SSBP2: variants seen among roughly 807,000 people sequenced by gnomAD.
The protein encoded by SSBP2 is single stranded DNA binding protein 2.
Under a neutral mutation model 61.8 loss-of-function variants are expected in SSBP2, and 17 were observed. The ratio of observed to expected loss-of-function variants is 0.28; its 90% CI spans 0.19 to 0.41. The LOEUF (loss-of-function observed/expected upper bound fraction) is 0.41, where lower values mean the gene tolerates loss of function less well. Ranked by LOEUF, SSBP2 falls within the 10% of genes least tolerant of loss-of-function variation. The probability of loss-of-function intolerance (pLI) is 1.00; values close to 1 mark genes in which losing one functional copy is unlikely to be tolerated. For synonymous variants in SSBP2, 139 were observed against 141.3 expected (o/e 0.98, Z 0.12); for missense variants, 310 against 458.7 (o/e 0.68, Z 2.96).
In SSBP2 at chr5:81,748,965, G is replaced by GAAGT. The variant is rs550424730; in HGVS notation, c.62+2012_62+2015dup. On this transcript the variant is annotated intron_variant, in intron 1 of 16. Transcript: ENST00000320672. ...TTCAACTAAAGTTCACCCCTTCCTG[G>GAAGT]AAGTTCACCTAAAATCTAAAATTAC... 4.4e-3 allele frequency among the ~76,000 whole-genome samples: 673 copies of GAAGT among 151,760 alleles called. 3 individuals carry two copies. Among genetic ancestry groups the GAAGT allele is most frequent in the Admixed American group, 0.014 (218 of 15,256 alleles).
intron 1 of SSBP2, among the ~76,000 whole-genome samples, chr5:81,719,041 T>G (rs1755370869): frequency 2.0e-5 from 3 of 152,176 alleles, no homozygotes; most frequent in Admixed American, 1.3e-4. Flanking sequence ...ACAAGTACAT[T>G]TTTGATAGAA....
chr5:81,583,772 T>C (rs1342567425), intron 4 of SSBP2, among the ~76,000 whole-genome samples: 1 of 152,194 alleles, frequency 6.6e-6, no homozygotes, highest in Non-Finnish European at 1.5e-5. Flanking sequence ...GAACAACTTC[T>C]TCGCTTTCAA....
At chr5:81,640,883 C>A (rs557694519) in intron 2 of SSBP2, among the ~76,000 whole-genome samples, 277 of 152,302 alleles carry the variant, frequency 1.8e-3, no homozygotes, top group Non-Finnish European at 2.7e-3. Flanking sequence ...AATAAATAAA[C>A]CCTCACCAAC....
At chr5:81,649,319 A>C (rs1391879504) in intron 2 of SSBP2, among the ~76,000 whole-genome samples, 1 of 152,120 alleles carries the variant, frequency 6.6e-6, no homozygotes, top group Non-Finnish European at 1.5e-5. Context: ...CATCATCCTC[A>C]TATACATAGG....
At chr5:81,613,821 G>T (rs992112251) in intron 4 of SSBP2, among the ~76,000 whole-genome samples, 1 of 152,184 alleles carries the variant, frequency 6.6e-6, no homozygotes, top group South Asian at 2.1e-4. Context: ...TTCATGGGTA[G>T]ATCTCTGCTT....
intron 4 of SSBP2, among the ~76,000 whole-genome samples, chr5:81,560,794 A>G (rs540756701): frequency 2.0e-5 from 3 of 152,354 alleles, no homozygotes; most frequent in Non-Finnish European, 4.4e-5. Flanking sequence ...AAGGTATTAA[A>G]TTGTATATAT....
At chr5:81,551,677 T>C (rs1425719216) in intron 4 of SSBP2, among the ~76,000 whole-genome samples, 1 of 152,186 alleles carries the variant, frequency 6.6e-6, no homozygotes, top group Non-Finnish European at 1.5e-5. Flanking sequence ...TTAAATCTTA[T>C]TTAAATTTTT....
In SSBP2 at chr5:81,473,761, T is replaced by C; in HGVS notation, c.509A>G (p.Asn170Ser). The C allele has an allele frequency of 2.5e-6, 4 of 1,613,942 alleles. No individual in the cohort carries two copies. The highest frequency in any genetic ancestry group is 3.4e-6 in the Non-Finnish European group (4 of 1,179,882). Residue 170 changes from asparagine to serine, a missense_variant, in exon 8 of 17, where the codon AAT (asparagine) becomes AGT (serine). Physicochemically the swap from Asn to Ser is conservative, Grantham distance 46. Transcript: ENST00000320672. ...CATTCTCTGCATTGGCCCACCCATA[T>C]TTGGATGTCCTAAAAAAAGTATGAA... is the stretch of plus-strand genomic sequence containing the variant.
At chr5:81,750,775 C>A (rs1757709788) in intron 1 of SSBP2, 2 of 600,898 alleles carry the variant, frequency 3.3e-6, no homozygotes, top group Non-Finnish European at 2.9e-6. Context: ...CCGACAGCCC[C>A]CTGCGGCCGC....
chr5:81,533,371 A>G (rs1770565545), intron 4 of SSBP2, among the ~76,000 whole-genome samples: 1 of 152,058 alleles, frequency 6.6e-6, no homozygotes, highest in Non-Finnish European at 1.5e-5. Flanking sequence ...TTGTGGGGTA[A>G]AGCTAAATAC....
intron 6 of SSBP2, 65 bp downstream of exon 6, chr5:81,489,185 A>AAT: frequency 7.6e-7 from 1 of 1,321,148 alleles, no homozygotes; most frequent in Non-Finnish European, 1.1e-6. Context: ...CAGGATGATA[A>AAT]ATATATGTGA....
rs892462197 is a variant in SSBP2 at position 81,420,131 on chromosome 5, C to A, written c.*373G>T. The A allele has an allele frequency of 2.2e-5, 4 of 184,030 alleles. No individual in the cohort carries two copies. Among genetic ancestry groups the A allele is most frequent in the Non-Finnish European group, 4.5e-5 (4 of 89,382 alleles). 11.4% of individuals were successfully genotyped at this position (184,030 alleles called of 1,614,324 possible). The stretch of plus-strand genomic sequence containing the variant: ...GTGAAAAAAAGGATGGAATAAAAGT[C>A]CCTACTTATTTCTACTTAAGATGTC... On this transcript the variant is annotated 3_prime_UTR_variant, in exon 17 of 17. Transcript: ENST00000320672.
chr5:81,490,471 G>A (rs563137469), intron 5 of SSBP2, among the ~76,000 whole-genome samples: 31 of 151,874 alleles, frequency 2.0e-4, no homozygotes, highest in Non-Finnish European at 3.7e-4. Context: ...CAAATCTAAC[G>A]GGTTGAATGT....
At chr5:81,557,541 T>C (rs1217982803) in intron 4 of SSBP2, among the ~76,000 whole-genome samples, 1 of 152,142 alleles carries the variant, frequency 6.6e-6, no homozygotes, top group African/African-American at 2.4e-5. Context: ...CTCCTAGTTT[T>C]AAGGCTTTTT....
intron 8 of SSBP2, among the ~76,000 whole-genome samples, chr5:81,471,854 C>T (rs562390150): frequency 6.6e-6 from 1 of 151,656 alleles, no homozygotes; most frequent in East Asian, 1.9e-4. Context: ...TATGGCATCT[C>T]CAAAAAGTCT....
chr5:81,667,286 TACAC>T (rs71605804), intron 1 of SSBP2, among the ~76,000 whole-genome samples: 13,335 of 133,588 alleles, frequency 0.1, 607 homozygotes, highest in African/African-American at 0.14. Context: ...GGGATACAGA[TACAC>T]ACACACACAC....
At chr5:81,685,205 G>A (rs1469560677) in intron 1 of SSBP2, among the ~76,000 whole-genome samples, 1 of 152,114 alleles carries the variant, frequency 6.6e-6, no homozygotes, top group African/African-American at 2.4e-5. Context: ...AGATCTGTGA[G>A]TCAATTAAAT....
intron 1 of SSBP2, among the ~76,000 whole-genome samples, chr5:81,662,733 G>A (rs1015554284): frequency 2.6e-5 from 4 of 151,846 alleles, no homozygotes; most frequent in African/African-American, 7.3e-5. Flanking sequence ...CCCTGGAGGC[G>A]GAGGTTGCAG....
In SSBP2 at chr5:81,472,183, T is replaced by C. The variant is rs1765291956; in HGVS notation, c.570+1517A>G. Among the ~76,000 whole-genome samples the C allele has an allele frequency of 2.0e-5, 3 of 152,194 alleles. No individual in the cohort carries two copies. The South Asian group carries it at 6.2e-4, about 32-fold the overall frequency. On this transcript the variant is annotated intron_variant, in intron 8 of 16. Transcript: ENST00000320672. ...ACATGTTAATCTCTGACCCACGAGG[T>C]AGAAATTTAAAATTCTGGATTTTAA...
Sources: gnomAD v4.1 joint callset for allele counts (sites outside exome capture counted in the v4.1 genomes callset) on GRCh38, gnomAD v4.1.1 for gene constraint, MANE v1.5 for transcripts, NCBI Gene and HGNC (gene_info 2026-07-23, HGNC 2026-07-21) for gene names.